The following MAP2K4 variants were observed in gnomAD, a reference collection of about 807,000 sequenced individuals.
The protein encoded by MAP2K4 is dual specificity mitogen-activated protein kinase kinase 4.
In MAP2K4, 4 loss-of-function variants were observed where a neutral mutation model predicts 48.5. That is an observed-to-expected ratio of 0.08 (90% confidence interval 0.04 to 0.19). The LOEUF is 0.19. Among genes scored for constraint, MAP2K4 ranks in the 10% least tolerant of loss-of-function variants. The pLI, the probability that MAP2K4 is intolerant of heterozygous loss-of-function variation, is 1.00. For missense variants in MAP2K4, 258 were observed against 493.3 expected (o/e 0.52, Z 4.52); for synonymous variants, 166 against 173.1 (o/e 0.96, Z 0.32).
At chr17:12,056,765 C>T (rs1970294426) in intron 2 of MAP2K4, among the ~76,000 whole-genome samples, 1 of 152,064 alleles carries the variant, frequency 6.6e-6, no homozygotes, top group Admixed American at 6.5e-5. Context: ...AAAAGGTATC[C>T]TTTTGTACTC....
intron 2 of MAP2K4, among the ~76,000 whole-genome samples, chr17:12,069,003 T>C (rs574397312): frequency 1.3e-5 from 2 of 151,834 alleles, no homozygotes; most frequent in Non-Finnish European, 2.9e-5. Flanking sequence ...CATTTAGAGG[T>C]TGGATAGAAG....
At chr17:12,029,960 A>G (rs2151508714) in intron 1 of MAP2K4, among the ~76,000 whole-genome samples, 1 of 152,146 alleles carries the variant, frequency 6.6e-6, no homozygotes, top group East Asian at 1.9e-4. Flanking sequence ...TATGTGAGTG[A>G]ATACTAGTGA....
intron 1 of MAP2K4, among the ~76,000 whole-genome samples, chr17:12,040,798 G>A (rs1290257133): frequency 2.0e-5 from 3 of 152,150 alleles, no homozygotes; most frequent in Non-Finnish European, 4.4e-5. Context: ...GTTTTAATTA[G>A]TAATGACCTT....
At chr17:12,077,361 AAAT>A (rs1232992901) in intron 2 of MAP2K4, among the ~76,000 whole-genome samples, 4 of 152,338 alleles carry the variant, frequency 2.6e-5, no homozygotes, top group Middle Eastern at 3.4e-3. Context: ...CTGGGAAATA[AAAT>A]AATGCTAGGG....
intron 2 of MAP2K4, among the ~76,000 whole-genome samples, chr17:12,064,261 T>C (rs1208189223): frequency 6.6e-6 from 1 of 152,074 alleles, no homozygotes; most frequent in Admixed American, 6.6e-5. Context: ...TTAAAAAAAT[T>C]TTTTGTAGAG....
chr17:12,080,381 T>G (rs953313518), intron 2 of MAP2K4, among the ~76,000 whole-genome samples: 1 of 152,216 alleles, frequency 6.6e-6, no homozygotes, highest in African/African-American at 2.4e-5. Context: ...AGTTTGTTCC[T>G]ACACATTGGG....
intron 2 of MAP2K4, among the ~76,000 whole-genome samples, chr17:12,057,306 G>T (rs1324714876): frequency 6.6e-6 from 1 of 152,144 alleles, no homozygotes; most frequent in South Asian, 2.1e-4. Flanking sequence ...GATTTTGAAA[G>T]ACAGGCAGGG....
chr17:12,060,357 A>G (rs1970409225), intron 2 of MAP2K4, among the ~76,000 whole-genome samples: 1 of 151,542 alleles, frequency 6.6e-6, no homozygotes, highest in South Asian at 2.1e-4. Flanking sequence ...AGGGGAGAGA[A>G]TTAAGCCAGC....
At chr17:12,051,862 C>G (rs930526348) in intron 1 of MAP2K4, among the ~76,000 whole-genome samples, 1 of 151,788 alleles carries the variant, frequency 6.6e-6, no homozygotes, top group Non-Finnish European at 1.5e-5. Flanking sequence ...GAGAAGGACC[C>G]AGCCCCAGTA....
At chr17:12,107,382 CTTTTT>C (rs71367383) in intron 4 of MAP2K4, among the ~76,000 whole-genome samples, 1 of 106,402 alleles carries the variant, frequency 9.4e-6, no homozygotes, top group Non-Finnish European at 2.0e-5. Context: ...TGTCTTTTTC[CTTTTT>C]TTTTTTTTTT....
At chr17:12,136,940 T>G (rs935464498) in intron 9 of MAP2K4, among the ~76,000 whole-genome samples, 4 of 152,064 alleles carry the variant, frequency 2.6e-5, no homozygotes, top group African/African-American at 9.7e-5. Context: ...ATCAGTTACT[T>G]CCTGGGCCAC....
intron 3 of MAP2K4, among the ~76,000 whole-genome samples, chr17:12,087,154 C>T (rs1321217576): frequency 1.3e-5 from 2 of 152,104 alleles, no homozygotes; most frequent in Non-Finnish European, 2.9e-5. Flanking sequence ...AGCCAAAAAC[C>T]TGTCTTACCA....
At chr17:12,067,319 C>T (rs923351279) in intron 2 of MAP2K4, among the ~76,000 whole-genome samples, 1 of 152,066 alleles carries the variant, frequency 6.6e-6, no homozygotes, top group East Asian at 1.9e-4. Context: ...TGGTAATTTT[C>T]AGCCCTTTTC....
At chr17:12,064,015 A>AGG (rs1198392092) in intron 2 of MAP2K4, among the ~76,000 whole-genome samples, 2 of 77,796 alleles carry the variant, frequency 2.6e-5, no homozygotes, top group Non-Finnish European at 5.3e-5. Context: ...GGAGAGGGGA[A>AGG]GGGGGGGAGA....
rs544746493 is a variant in MAP2K4, at chr17:12,103,826, A to G, written c.514-3964A>G. Among the ~76,000 whole-genome samples, 162 of 152,276 alleles carry G rather than the reference A, an allele frequency of 1.1e-3. 1 individual carries two copies. Among genetic ancestry groups the G allele is most frequent in the African/African-American group, 3.8e-3 (159 of 41,576 alleles). On this transcript the variant is annotated intron_variant, in intron 4 of 10. Transcript: ENST00000353533. ...AACATAGTTTTCAAGATTTATGTAA[A>G]TATAGATTCGTAATATACAGATTTA...
chr17:12,052,233 T>G (rs1970164769), intron 1 of MAP2K4, among the ~76,000 whole-genome samples: 1 of 152,198 alleles, frequency 6.6e-6, no homozygotes, highest in African/African-American at 2.4e-5. Flanking sequence ...GTTTTGTTAG[T>G]AAATGATCAG....
rs2151590899 is a variant in MAP2K4, at chr17:12,129,298, G to A, written c.1040+11G>A. 1 of 1,614,212 alleles carries A rather than the reference G, an allele frequency of 6.2e-7. No individual in the cohort carries two copies. Among genetic ancestry groups the A allele is most frequent in the Admixed American group, 1.7e-5 (1 of 60,034 alleles). On this transcript the variant is annotated intron_variant, in intron 9 of 10. Transcript: ENST00000353533. ...CTTTGTCAACTTGTGGTGAGTACCT[G>A]ATTTATGAATGGTCGAACACGCATG... is the stretch of plus-strand genomic sequence containing the variant.
At chr17:12,046,252 G>C (rs1230909604) in intron 1 of MAP2K4, among the ~76,000 whole-genome samples, 2 of 152,176 alleles carry the variant, frequency 1.3e-5, no homozygotes, top group Non-Finnish European at 2.9e-5. Flanking sequence ...TCTCAGAGTG[G>C]TTGTGTAATT....
At chr17:12,045,915 C>T (rs547734423) in intron 1 of MAP2K4, among the ~76,000 whole-genome samples, 1 of 152,324 alleles carries the variant, frequency 6.6e-6, no homozygotes, top group South Asian at 2.1e-4. Context: ...ATTTAGGCAT[C>T]ACATGGATTT....
Sources: allele counts gnomAD v4.1 joint callset (sites outside exome capture counted in the v4.1 genomes callset), GRCh38; gene constraint gnomAD v4.1.1; transcripts MANE v1.5; gene names NCBI Gene and HGNC (gene_info 2026-07-23, HGNC 2026-07-21).